PGCKA1: variants seen among roughly 807,000 people sequenced by gnomAD.
PGCKA1 encodes PDCD10 and GCKIII kinases associated 1.
At chr4:37,539,380 G>C in the PGCKA1 span, among the ~76,000 whole-genome samples, 1 of 152,172 alleles carries the variant, frequency 6.6e-6, no homozygotes, top group Non-Finnish European at 1.5e-5. Flanking sequence ...GTGGCAGCCG[G>C]GCGCGGTGGC....
the PGCKA1 span, chr4:37,590,727 G>A: frequency 3.7e-6 from 6 of 1,614,036 alleles, no homozygotes; most frequent in Admixed American, 3.3e-5. Flanking sequence ...AGCCCCCAGT[G>A]GGGGAGCATG....
the PGCKA1 span, among the ~76,000 whole-genome samples, chr4:37,509,113 A>C: frequency 6.7e-6 from 1 of 150,142 alleles, no homozygotes; most frequent in Non-Finnish European, 1.5e-5. Context: ...TGATTTCTCT[A>C]TCTCTTCCCC....
the PGCKA1 span, among the ~76,000 whole-genome samples, chr4:37,544,047 G>C: frequency 1.3e-5 from 2 of 152,034 alleles, no homozygotes; most frequent in Non-Finnish European, 2.9e-5. Context: ...ACATCTTCTA[G>C]TAACTTCTGA....
the PGCKA1 span, among the ~76,000 whole-genome samples, chr4:37,543,159 C>A: frequency 6.6e-6 from 1 of 152,024 alleles, no homozygotes; most frequent in Non-Finnish European, 1.5e-5. Context: ...TGGTATTTGC[C>A]TCTTTCTCTC....
At chr4:37,509,065 C>A in the PGCKA1 span, among the ~76,000 whole-genome samples, 1 of 151,014 alleles carries the variant, frequency 6.6e-6, no homozygotes, top group Non-Finnish European at 1.5e-5. Flanking sequence ...ATGGAGTCTC[C>A]TATGTCTACT....
chr4:37,561,709 A>C, the PGCKA1 span, among the ~76,000 whole-genome samples: 1 of 152,236 alleles, frequency 6.6e-6, no homozygotes, highest in Non-Finnish European at 1.5e-5. Flanking sequence ...ACTTCAAACA[A>C]GGAGTTAGTG....
the PGCKA1 span, among the ~76,000 whole-genome samples, chr4:37,540,047 G>A: frequency 6.6e-6 from 1 of 152,126 alleles, no homozygotes; most frequent in African/African-American, 2.4e-5. Flanking sequence ...AAAGAAGTGG[G>A]ACACGAAGTT....
At chr4:37,522,942 T>A in the PGCKA1 span, among the ~76,000 whole-genome samples, 1 of 152,070 alleles carries the variant, frequency 6.6e-6, no homozygotes, top group African/African-American at 2.4e-5. Flanking sequence ...CCATGCAGCC[T>A]GTAGTTAGGG....
the PGCKA1 span, among the ~76,000 whole-genome samples, chr4:37,589,192 C>G: frequency 6.6e-6 from 1 of 152,132 alleles, no homozygotes; most frequent in Non-Finnish European, 1.5e-5. Context: ...GAAAATAAAT[C>G]ACCCCAATCA....
At chr4:37,493,439 T>C in the PGCKA1 span, among the ~76,000 whole-genome samples, 1 of 152,204 alleles carries the variant, frequency 6.6e-6, no homozygotes, top group African/African-American at 2.4e-5. Context: ...TCCACAAACA[T>C]TTATTGGTAT....
the PGCKA1 span, among the ~76,000 whole-genome samples, chr4:37,565,897 C>A: frequency 6.6e-6 from 1 of 152,238 alleles, no homozygotes; most frequent in Admixed American, 6.5e-5. Context: ...CAGCTCCCAG[C>A]GAATATAAAG....
chr4:37,473,270 A>G, the PGCKA1 span, among the ~76,000 whole-genome samples: 2 of 152,158 alleles, frequency 1.3e-5, no homozygotes, highest in African/African-American at 4.8e-5. Context: ...AAAAATATTT[A>G]TACTTTTAGA....
the PGCKA1 span, among the ~76,000 whole-genome samples, chr4:37,455,850 C>T: frequency 5.9e-5 from 9 of 152,164 alleles, no homozygotes; most frequent in African/African-American, 2.2e-4. Context: ...TCTTGGTGCC[C>T]GGAAGCCCAT....
the PGCKA1 span, among the ~76,000 whole-genome samples, chr4:37,514,115 A>G: frequency 6.6e-6 from 1 of 152,202 alleles, no homozygotes; most frequent in Non-Finnish European, 1.5e-5. Flanking sequence ...AGGCTTTAGA[A>G]TTAGACTTAA....
the PGCKA1 span, among the ~76,000 whole-genome samples, chr4:37,593,228 A>G: frequency 1.3e-5 from 2 of 152,192 alleles, no homozygotes; most frequent in African/African-American, 4.8e-5. Context: ...GTTCAGTTGT[A>G]TGGGACGAGT....
chr4:37,515,462 G>C, the PGCKA1 span, among the ~76,000 whole-genome samples: 15 of 152,218 alleles, frequency 9.9e-5, no homozygotes, highest in Admixed American at 9.8e-4. Flanking sequence ...ACATCACATT[G>C]CAAGAAGAAT....
chr4:37,453,553 A>G, the PGCKA1 span, among the ~76,000 whole-genome samples: 1 of 152,204 alleles, frequency 6.6e-6, no homozygotes. Flanking sequence ...TTGGGAGTAC[A>G]CAACTATTTG....
the PGCKA1 span, among the ~76,000 whole-genome samples, chr4:37,584,061 G>A: frequency 6.6e-6 from 1 of 152,264 alleles, no homozygotes; most frequent in Admixed American, 6.5e-5. Context: ...TGTTGCCCCT[G>A]GGCTTAGGAG....
the PGCKA1 span, among the ~76,000 whole-genome samples, chr4:37,549,447 A>T: frequency 6.6e-6 from 1 of 152,220 alleles, no homozygotes; most frequent in Non-Finnish European, 1.5e-5. Context: ...CCAAAGGCTG[A>T]CCCCCATGTC....
Sources: allele counts gnomAD v4.1 joint callset (sites outside exome capture counted in the v4.1 genomes callset), GRCh38; gene constraint gnomAD v4.1.1; transcripts MANE v1.5; gene names NCBI Gene and HGNC (gene_info 2026-07-23, HGNC 2026-07-21).